PUS7: variants seen among roughly 807,000 people sequenced by gnomAD.
PUS7 encodes the protein pseudouridylate synthase 7 homolog.
In PUS7, 48 loss-of-function variants were observed where a neutral mutation model predicts 79.8. The ratio of observed to expected loss-of-function variants is 0.60; its 90% CI spans 0.48 to 0.76. The LOEUF (loss-of-function observed/expected upper bound fraction) is 0.76. Among genes scored for constraint, PUS7 ranks in the 30% least tolerant of loss-of-function variants. The pLI, the probability that PUS7 is intolerant of heterozygous loss-of-function variation, is 0.00. For synonymous variants in PUS7, 286 were observed against 272.2 expected (o/e 1.05, Z -0.50); for missense variants, 729 against 797.6 (o/e 0.91, Z 1.04).
At chr7:105,483,727 C>A (rs1694145426) in intron 7 of PUS7, among the ~76,000 whole-genome samples, 1 of 152,172 alleles carries the variant, frequency 6.6e-6, no homozygotes, top group African/African-American at 2.4e-5. Flanking sequence ...ATCTCCTGGC[C>A]TCAAGTGATC....
intron 7 of PUS7, among the ~76,000 whole-genome samples, chr7:105,490,286 A>G (rs990080435): frequency 2.0e-5 from 3 of 152,134 alleles, no homozygotes; most frequent in African/African-American, 7.2e-5. Flanking sequence ...CATATTAAAG[A>G]CAATGCATCC....
chr7:105,493,978 C>T (rs1424935447), intron 6 of PUS7, among the ~76,000 whole-genome samples: 1 of 152,184 alleles, frequency 6.6e-6, no homozygotes, highest in East Asian at 1.9e-4. Context: ...ATTTCCACAG[C>T]ATACAGACTT....
chr7:105,512,741 A>G (rs1483585231), intron 1 of PUS7, among the ~76,000 whole-genome samples: 1 of 152,328 alleles, frequency 6.6e-6, no homozygotes, highest in East Asian at 1.9e-4. Flanking sequence ...TGAATTTGTA[A>G]TTCAGAAAGA....
rs752321992 is a variant in PUS7, at chr7:105,508,363, G to A, written c.150C>T (p.Asp50=). 7 of 1,613,970 alleles carry A rather than the reference G, an allele frequency of 4.3e-6. No homozygotes were observed. Among genetic ancestry groups the A allele is most frequent in the Middle Eastern group, 1.6e-4 (1 of 6,084 alleles). ...GCACGTCTTCACTGATGGACAGAAAGTCATTCTGTAGCCCATCTTGACCTT... is the reference window on the plus strand; with the variant it reads ...GCACGTCTTCACTGATGGACAGAAAATCATTCTGTAGCCCATCTTGACCTT... ...LTKGQDGLQN[D]FLSISEDVPR... Residue 50 remains aspartate (D), a synonymous_variant, in exon 2 of 16, where the codon GAC becomes GAT. Coordinates refer to ENST00000469408, the MANE Select transcript of PUS7 (RefSeq NM_019042.5).
chr7:105,491,990 G>A (rs977578024), intron 6 of PUS7, among the ~76,000 whole-genome samples: 20 of 149,152 alleles, frequency 1.3e-4, no homozygotes, highest in Admixed American at 7.4e-4. Flanking sequence ...TCAGGAGGCT[G>A]AGGTTGCAGT....
chr7:105,476,289 T>C (rs1365712044), intron 9 of PUS7, among the ~76,000 whole-genome samples: 2 of 152,150 alleles, frequency 1.3e-5, no homozygotes, highest in Admixed American at 1.3e-4. Flanking sequence ...TACAAATATC[T>C]GGTGAGTTCC....
chr7:105,473,694 C>T (rs1823968249), intron 9 of PUS7, among the ~76,000 whole-genome samples: 1 of 151,892 alleles, frequency 6.6e-6, no homozygotes, highest in Non-Finnish European at 1.5e-5. Context: ...GCTGGGATTA[C>T]AGGCATGTAC....
At chr7:105,460,298 A>G (rs183173551) in intron 14 of PUS7, among the ~76,000 whole-genome samples, 3 of 152,194 alleles carry the variant, frequency 2.0e-5, no homozygotes, top group East Asian at 3.9e-4. Flanking sequence ...GCTGTGATCA[A>G]ATTACTTACG....
At chr7:105,492,052 CA>C (rs368940149) in intron 6 of PUS7, among the ~76,000 whole-genome samples, 98 of 117,162 alleles carry the variant, frequency 8.4e-4, no homozygotes, top group South Asian at 1.5e-3. Context: ...GACTCCGTCT[CA>C]AAAAAAAAAA....
Position 105,491,595 on chromosome 7 carries a change from A to C in PUS7, c.865T>G (p.Tyr289Asp). Residue 289 changes from tyrosine (Y) to aspartate (D), a missense_variant, in exon 7 of 16, where the codon TAC (tyrosine) becomes GAC (aspartate). Tyr to Asp is a radical substitution (Grantham distance 160). Transcript: ENST00000469408. The part of the protein sequence containing the change: ...YLRVKPNIFS[Y>D]MGTKDKRAIT... ...GCCCTTTTATCTTTGGTTCCCATGT[A>C]GGAGAATATATTTGGCTTGACTCTG... 6.3e-7 allele frequency: 1 copy of C among 1,598,958 alleles called. No homozygotes were observed. The highest frequency in any genetic ancestry group is 8.6e-7 in the Non-Finnish European group (1 of 1,166,550).
intron 14 of PUS7, among the ~76,000 whole-genome samples, chr7:105,460,064 G>A (rs185963213): frequency 0.011 from 1,726 of 151,902 alleles, 30 homozygotes; most frequent in African/African-American, 0.039. Flanking sequence ...TCAGCCTCCC[G>A]AGTAGCTGGG....
At chr7:105,519,214 G>A (rs1034557575) in intron 1 of PUS7, among the ~76,000 whole-genome samples, 4 of 151,528 alleles carry the variant, frequency 2.6e-5, no homozygotes, top group East Asian at 3.9e-4. Flanking sequence ...TTTCTTTAGG[G>A]CCAGAGCACA....
chr7:105,511,161 A>G (rs1271750933), intron 1 of PUS7, among the ~76,000 whole-genome samples: 1 of 151,236 alleles, frequency 6.6e-6, no homozygotes, highest in East Asian at 2.0e-4. Context: ...CCTCCCAAGT[A>G]GCTGGGATTA....
intron 1 of PUS7, among the ~76,000 whole-genome samples, chr7:105,521,796 C>G (rs1562829248): frequency 6.6e-6 from 1 of 150,946 alleles, no homozygotes; most frequent in East Asian, 2.0e-4. Context: ...GACGACTGGC[C>G]GGGCAGAGCG....
chr7:105,521,492 T>G (rs1296335066), intron 1 of PUS7, among the ~76,000 whole-genome samples: 2 of 149,612 alleles, frequency 1.3e-5, no homozygotes, highest in Non-Finnish European at 3.0e-5. Context: ...GCCCGTCCAC[T>G]CCTACTCTGG....
Position 105,495,093 on chromosome 7 carries a change from T to A in PUS7, c.842+49A>T. On this transcript the variant is annotated intron_variant, in intron 6 of 15. Coordinates refer to ENST00000469408, the MANE Select transcript of PUS7 (RefSeq NM_019042.5). ...TTCCATTAGCATGGAAAAAGGAATA[T>A]ACGTTTCTGTTGCTTTGATTTTGTA... The A allele has an allele frequency of 3.7e-6, 4 of 1,090,708 alleles. No individual in the cohort carries two copies. The South Asian group carries it at 4.2e-5, about 11-fold the overall frequency. The allele number at this position is 1,090,708 out of a possible 1,614,324, so 67.6% of individuals were successfully genotyped here. A position where few individuals can be genotyped will look rare whatever the true frequency, so the allele number is the denominator to read the frequency against.
chr7:105,459,485 T>C (rs1346031594), intron 14 of PUS7, among the ~76,000 whole-genome samples: 1 of 151,760 alleles, frequency 6.6e-6, no homozygotes, highest in Non-Finnish European at 1.5e-5. Context: ...TCACCTAGGC[T>C]GGAGTGCAGT....
Position 105,457,782 on chromosome 7 carries a change from G to A in PUS7, c.*8C>T. ...TGTACGTTTTCTAATCTGTGGACAA[G>A]GTACTGCTCAGCGAAGCCAGGTTGT... On this transcript the variant is annotated 3_prime_UTR_variant, in exon 16 of 16. Transcript: ENST00000469408. 1 of 1,613,194 alleles carries A rather than the reference G, an allele frequency of 6.2e-7. No individual in the cohort carries two copies. The highest frequency in any genetic ancestry group is 8.5e-7 in the Non-Finnish European group (1 of 1,179,462).
At chr7:105,503,323 A>G (rs1257788688) in intron 4 of PUS7, among the ~76,000 whole-genome samples, 1 of 152,162 alleles carries the variant, frequency 6.6e-6, no homozygotes, top group Non-Finnish European at 1.5e-5. Context: ...GCCTTTTGGT[A>G]TGTGAGAAGC....
Sources: allele counts gnomAD v4.1 joint callset (sites outside exome capture counted in the v4.1 genomes callset), GRCh38; gene constraint gnomAD v4.1.1; transcripts MANE v1.5; gene names NCBI Gene and HGNC (gene_info 2026-07-23, HGNC 2026-07-21).